GPR137C: variants seen among roughly 807,000 people sequenced by gnomAD.
GPR137C encodes G protein-coupled receptor 137C.
Under a neutral mutation model 43.4 loss-of-function variants are expected in GPR137C, and 27 were observed. That is an observed-to-expected ratio of 0.62 (90% CI 0.46 to 0.86). The LOEUF (loss-of-function observed/expected upper bound fraction) is 0.86, where lower values mean the gene tolerates loss of function less well. GPR137C is among the 40% of genes least tolerant of loss of function. The pLI is 0.00. For synonymous variants in GPR137C, 285 were observed against 226.9 expected (o/e 1.26, Z -2.30); for missense variants, 522 against 534.6 (o/e 0.98, Z 0.23).
intron 5 of GPR137C, 58 bp from the exon 6 acceptor site, chr14:52,633,770 C>T: frequency 6.6e-7 from 1 of 1,514,356 alleles, no homozygotes; most frequent in Non-Finnish European, 9.1e-7. Context: ...TAGATTCTAG[C>T]CTCCTTTCTT....
chr14:52,565,256 A>G (rs117668832), intron 1 of GPR137C, among the ~76,000 whole-genome samples: 60 of 152,298 alleles, frequency 3.9e-4, no homozygotes, highest in Non-Finnish European at 7.2e-4. Context: ...TGTGGATCAA[A>G]CCGAAACCAT....
chr14:52,556,509 TGA>T (rs139991674), intron 1 of GPR137C, among the ~76,000 whole-genome samples: 15,355 of 150,622 alleles, frequency 0.1, 1,097 homozygotes, highest in East Asian at 0.36. Flanking sequence ...AGCCTATAGT[TGA>T]GAGAGAGGGG....
intron 3 of GPR137C, among the ~76,000 whole-genome samples, chr14:52,621,870 T>C (rs909581367): frequency 6.6e-6 from 1 of 151,532 alleles, no homozygotes; most frequent in Admixed American, 6.6e-5. Flanking sequence ...ATACTATAAA[T>C]AAAAAATTAA....
intron 3 of GPR137C, among the ~76,000 whole-genome samples, chr14:52,601,201 A>G (rs1462308428): frequency 1.3e-5 from 2 of 152,182 alleles, no homozygotes; most frequent in Non-Finnish European, 2.9e-5. Flanking sequence ...GTATGTACAT[A>G]AATACATTTT....
intron 1 of GPR137C, among the ~76,000 whole-genome samples, chr14:52,594,662 TTTGC>T (rs2038829217): frequency 1.3e-5 from 2 of 152,198 alleles, no homozygotes; most frequent in Non-Finnish European, 1.5e-5. Context: ...TTGCTTTCCA[TTTGC>T]TTGGTAGATC....
intron 3 of GPR137C, among the ~76,000 whole-genome samples, chr14:52,606,107 T>G (rs752751815): frequency 4.6e-5 from 7 of 152,228 alleles, no homozygotes; most frequent in Non-Finnish European, 5.9e-5. Flanking sequence ...TGAAATTGTT[T>G]GAGCAGAATT....
At chr14:52,611,691 A>T in intron 3 of GPR137C, 1 of 407,636 alleles carries the variant, frequency 2.5e-6, no homozygotes, top group Non-Finnish European at 3.3e-6. Context: ...TACACTACAT[A>T]GTACAAAGTA....
intron 2 of GPR137C, among the ~76,000 whole-genome samples, chr14:52,599,664 C>T (rs924511592): frequency 3.3e-5 from 5 of 152,072 alleles, no homozygotes; most frequent in Non-Finnish European, 5.9e-5. Flanking sequence ...GAACTCCTGG[C>T]CTCAAGTGAT....
chr14:52,560,239 G>T (rs2038259977), intron 1 of GPR137C, among the ~76,000 whole-genome samples: 1 of 152,114 alleles, frequency 6.6e-6, no homozygotes, highest in African/African-American at 2.4e-5. Flanking sequence ...CCTCTACAAG[G>T]AAAACTACAA....
intron 3 of GPR137C, chr14:52,612,602 C>T: frequency 2.6e-6 from 2 of 771,920 alleles, no homozygotes; most frequent in Non-Finnish European, 3.1e-6. Flanking sequence ...CACTGTGTCA[C>T]CCAGGCTGGA....
In GPR137C at chr14:52,591,358, G is replaced by A. The variant is rs532556246; in HGVS notation, c.445-6914G>A. On this transcript the variant is annotated intron_variant, in intron 1 of 6. Transcript: ENST00000321662. The stretch of plus-strand genomic sequence containing the variant: ...TGGGTATACACCCAGTAATGGGATC[G>A]CTGGGTCAAGTAGTATTTCTAGTTC... Among the ~76,000 whole-genome samples, 9 of 152,258 alleles carry A rather than the reference G, an allele frequency of 5.9e-5. No individual in the cohort carries two copies. In the South Asian group the frequency reaches 6.2e-4, roughly 11 times the overall value.
At chr14:52,565,778 TTATTTTAACTTTGG>T (rs1566602982) in intron 1 of GPR137C, among the ~76,000 whole-genome samples, 15 of 152,226 alleles carry the variant, frequency 9.9e-5, no homozygotes. Flanking sequence ...TGTAATCTTA[TTATTTTAACTTTGG>T]TAAAGGGGTA....
chr14:52,598,988 A>G (rs2038890896), intron 2 of GPR137C, among the ~76,000 whole-genome samples: 1 of 152,216 alleles, frequency 6.6e-6, no homozygotes, highest in Non-Finnish European at 1.5e-5. Context: ...ATTACCTTCA[A>G]TTTACCTCGT....
At chr14:52,570,320 C>G (rs1289340157) in intron 1 of GPR137C, among the ~76,000 whole-genome samples, 1 of 152,154 alleles carries the variant, frequency 6.6e-6, no homozygotes, top group Admixed American at 6.5e-5. Context: ...ACCACCAGGC[C>G]TGCCTTACAA....
At chr14:52,605,728 AT>A (rs896111209) in intron 3 of GPR137C, among the ~76,000 whole-genome samples, 3 of 152,122 alleles carry the variant, frequency 2.0e-5, no homozygotes, top group Middle Eastern at 3.4e-3. Flanking sequence ...TCTGTACCCT[AT>A]TTTTTTACGG....
At chr14:52,580,172 CT>C (rs1160054522) in intron 1 of GPR137C, among the ~76,000 whole-genome samples, 1 of 152,026 alleles carries the variant, frequency 6.6e-6, no homozygotes, top group East Asian at 1.9e-4. Context: ...GGGTTTATGC[CT>C]TTCATGAAAA....
In GPR137C at chr14:52,624,212, G is replaced by T. The variant is rs1433798343; in HGVS notation, c.718-7948G>T. On this transcript the variant is annotated intron_variant, in intron 3 of 6. Transcript: ENST00000321662. ...GTGAGCACAATTCTAAATAACCCAT[G>T]GGTAAAAAAAAAAAAAAGAAAGAAC... Among the ~76,000 whole-genome samples the T allele has an allele frequency of 3.5e-5, 5 of 143,070 alleles. No individual in the cohort carries two copies. In the East Asian group the frequency reaches 1.0e-3, roughly 30 times the overall value. The allele number at this position is 143,070 out of a possible 152,430, so 93.9% of individuals were successfully genotyped here. A position where few individuals can be genotyped will look rare whatever the true frequency, so the allele number is the denominator to read the frequency against.
intron 2 of GPR137C, 55 bp from the exon 3 acceptor site, chr14:52,600,058 T>G: frequency 1.7e-6 from 2 of 1,181,304 alleles, no homozygotes; most frequent in Non-Finnish European, 2.5e-6. Flanking sequence ...AATGCAGAAT[T>G]AAATTTGATT....
At chr14:52,617,834 G>A (rs2039116802) in intron 3 of GPR137C, among the ~76,000 whole-genome samples, 1 of 152,126 alleles carries the variant, frequency 6.6e-6, no homozygotes, top group Non-Finnish European at 1.5e-5. Flanking sequence ...GATAATGATA[G>A]TGCTCTCATG....
Sources: allele counts gnomAD v4.1 joint callset (sites outside exome capture counted in the v4.1 genomes callset), GRCh38; gene constraint gnomAD v4.1.1; transcripts MANE v1.5; gene names NCBI Gene and HGNC (gene_info 2026-07-23, HGNC 2026-07-21).